Variants in POU6F1 observed in about 807,000 individuals in gnomAD.
The protein encoded by POU6F1 is POU domain, class 6, transcription factor 1.
A neutral mutation model predicts 28.9 loss-of-function variants in POU6F1; 9 were observed. The ratio of observed to expected loss-of-function variants is 0.31; its 90% CI spans 0.19 to 0.54. POU6F1 has a LOEUF of 0.54. Ranked by LOEUF, POU6F1 falls within the 20% of genes least tolerant of loss-of-function variation. The pLI is 0.94. For missense variants in POU6F1, 338 were observed against 426.1 expected (o/e 0.79, Z 1.82); for synonymous variants, 173 against 171.1 (o/e 1.01, Z -0.09).
In POU6F1 at chr12:51,199,168, AGGCT is replaced by A; in HGVS notation, c.367-397_367-394del. Among the ~76,000 whole-genome samples, 1 of 602 alleles carries A rather than the reference AGGCT, an allele frequency of 1.7e-3. No individual in the cohort carries two copies. Among genetic ancestry groups the A allele is most frequent in the South Asian group, 0.042 (1 of 24 alleles). The allele number at this position is 602 out of a possible 152,430, so 0.4% of individuals were successfully genotyped here. A position where few individuals can be genotyped will look rare whatever the true frequency, so the allele number is the denominator to read the frequency against. ...GAACCAAGTGGTCAAGGCCCCGCAGAGGCTAATGGAACCAAGTGGTCAAGGCCCC... is the reference window on the plus strand; with the variant it reads ...GAACCAAGTGGTCAAGGCCCCGCAGAAATGGAACCAAGTGGTCAAGGCCCC... On this transcript the variant is annotated intron_variant, in intron 4 of 10. Coordinates refer to ENST00000333640, the MANE Select transcript of POU6F1 (RefSeq NM_001330422.2). This position sits in a 1 kb window ranked among gnomAD's most constrained non-coding sequence, Gnocchi z 4.1.
At position 51,190,073 on chromosome 12, in the gene POU6F1, G is replaced by T; in HGVS notation, c.*174C>A. On this transcript the variant is annotated 3_prime_UTR_variant, in exon 11 of 11. Transcript: ENST00000333640. This position sits in a 1 kb window ranked among gnomAD's most constrained non-coding sequence, Gnocchi z 4.5. ...GCCCCCTCTGGCCTCCCCATGATGT[G>T]AGATGTGTGGGAGAAAAGAGGGACA... is the stretch of plus-strand genomic sequence containing the variant. 1 of 1,217,880 alleles carries T rather than the reference G, an allele frequency of 8.2e-7. No homozygotes were observed. The highest frequency in any genetic ancestry group is 1.6e-5 in the South Asian group (1 of 63,260). The allele number at this position is 1,217,880 out of a possible 1,614,324, so 75.4% of individuals were successfully genotyped here.
rs1430828734 is a variant in POU6F1, at chr12:51,196,851, A to G, written c.923T>C (p.Ile308Thr). 1 of 1,613,882 alleles carries G rather than the reference A, an allele frequency of 6.2e-7. No homozygotes were observed. Among genetic ancestry groups the G allele is most frequent in the Non-Finnish European group, 8.5e-7 (1 of 1,179,838 alleles). Residue 308 changes from isoleucine (I) to threonine (T), a missense_variant, in exon 7 of 11, where the codon ATT (isoleucine) becomes ACT (threonine). This residue lies in a region of POU6F1 where 206 missense variants were observed against 225.6 expected (regional missense o/e 0.91). Coordinates refer to ENST00000333640, the MANE Select transcript of POU6F1 (RefSeq NM_001330422.2). ...LTTAPVITSA[I>T]PSMPGISSQI... Reference sequence around the variant, plus strand: ...ACTGCTGATCCCTGGCATGCTGGGAATGGCGCTGGTAATGACTGGAGCTGT... The same window carrying G: ...ACTGCTGATCCCTGGCATGCTGGGAGTGGCGCTGGTAATGACTGGAGCTGT...
At position 51,198,015 on chromosome 12, in the gene POU6F1, C is replaced by T; in HGVS notation, c.601G>A (p.Val201Met). The T allele has an allele frequency of 2.5e-6, 1 of 399,490 alleles. No homozygotes were observed. Among genetic ancestry groups the T allele is most frequent in the East Asian group, 3.6e-5 (1 of 28,064 alleles). 24.7% of individuals were successfully genotyped at this position (399,490 alleles called of 1,614,324 possible). The change falls in exon 6 of 11, where the codon GTG (valine) becomes ATG (methionine). Residue 201 changes from valine to methionine, a missense_variant. Physicochemically the swap from Val to Met is conservative, Grantham distance 21 (BLOSUM62 1). Coordinates refer to ENST00000333640, the MANE Select transcript of POU6F1 (RefSeq NM_001330422.2). Reference protein sequence around the residue: ...PPLAGLQAAAVLNTALPAPVQ... With the variant: ...PPLAGLQAAAMLNTALPAPVQ... ...GGTGCCGGAAGAGCGGTGTTCAGCA[C>T]AGCAGCTGCTATGGAGCAAGGCAGA...
rs534527580 is a variant in POU6F1, at chr12:51,193,309, C to T, written c.1180-838G>A. ...CATAGCCCTAAGTGAAAAATGTGGT[C>T]GGGCGCGGTGGCTCACGCACTTTGG... On this transcript the variant is annotated intron_variant, in intron 8 of 10. Transcript: ENST00000333640. 1.3e-4 allele frequency among the ~76,000 whole-genome samples: 20 copies of T among 152,214 alleles called. 1 individual carries two copies. The highest frequency in any genetic ancestry group is 5.8e-4 in the East Asian group (3 of 5,174).
chr12:51,209,763 C>T (rs1335167669), intron 1 of POU6F1, among the ~76,000 whole-genome samples: 1 of 152,180 alleles, frequency 6.6e-6, no homozygotes, highest in Admixed American at 6.5e-5. Context: ...CCTTCCTTAA[C>T]CCCTCTAGAG....
At chr12:51,193,646 T>C (rs1345987739) in intron 8 of POU6F1, among the ~76,000 whole-genome samples, 1 of 152,096 alleles carries the variant, frequency 6.6e-6, no homozygotes, top group Non-Finnish European at 1.5e-5. Flanking sequence ...AAGAAATACA[T>C]ATGAATTTCC....
intron 6 of POU6F1, among the ~76,000 whole-genome samples, chr12:51,197,403 C>T (rs1251048982): frequency 6.6e-6 from 1 of 152,162 alleles, no homozygotes; most frequent in African/African-American, 2.4e-5. Flanking sequence ...TCTAACGCCT[C>T]CCACTGCCAA....
rs1018378496 is a variant in POU6F1 at position 51,189,360 on chromosome 12, C to T, written c.*887G>A. 5.9e-5 allele frequency: 9 copies of T among 151,970 alleles called. No individual in the cohort carries two copies. Among genetic ancestry groups the T allele is most frequent in the Non-Finnish European group, 1.2e-4 (8 of 68,004 alleles). 9.4% of individuals were successfully genotyped at this position (151,970 alleles called of 1,614,324 possible). ...TTCCTTATTTTTCTCCAGAGTTGCCCGTTTGCTTGCATATCCAGTCTGCAA... is the reference window on the plus strand; with the variant it reads ...TTCCTTATTTTTCTCCAGAGTTGCCTGTTTGCTTGCATATCCAGTCTGCAA... On this transcript the variant is annotated 3_prime_UTR_variant, in exon 11 of 11. Transcript: ENST00000333640.
chr12:51,192,888 G>T (rs577564924), intron 8 of POU6F1, among the ~76,000 whole-genome samples: 1 of 151,112 alleles, frequency 6.6e-6, no homozygotes, highest in South Asian at 2.1e-4. Context: ...CTGGGCGACA[G>T]AGTGAGACTC....
intron 8 of POU6F1, among the ~76,000 whole-genome samples, chr12:51,194,577 T>C (rs1592144806): frequency 6.6e-6 from 1 of 150,790 alleles, no homozygotes; most frequent in Admixed American, 6.6e-5. Flanking sequence ...GGAGCAGAGG[T>C]TGCAGTGAGC....
At chr12:51,210,521 C>A (rs1263567950) in intron 1 of POU6F1, among the ~76,000 whole-genome samples, 1 of 152,180 alleles carries the variant, frequency 6.6e-6, no homozygotes, top group African/African-American at 2.4e-5. Context: ...TGGCGTCTGG[C>A]TCCTTGCTGC....
Position 51,190,578 on chromosome 12 carries a change from T to C in POU6F1, c.1505A>G (p.Asp502Gly), listed in dbSNP as rs1172650607. The change falls in exon 11 of 11, where the codon GAC becomes GGC. Residue 502 changes from aspartate to glycine, a missense_variant. Transcript: ENST00000333640. The surrounding 1 kb of genome is among the most constrained non-coding windows in gnomAD (Gnocchi z 4.5). The part of the protein sequence containing the change: ...QSAICRFEKL[D>G]ITPKSAQKLK... ...CTTCTGGGCACTCTTGGGTGTGATG[T>C]CTAGCTTCTCGAACCTGTGGGCAAC... The C allele has an allele frequency of 6.2e-7, 1 of 1,612,786 alleles. No individual in the cohort carries two copies. The highest frequency in any genetic ancestry group is 1.3e-5 in the African/African-American group (1 of 74,826).
rs189905923 is a variant in POU6F1, at chr12:51,204,422, G to A, written c.49-54C>T. The A allele has an allele frequency of 1.6e-4, 63 of 398,942 alleles. 1 individual carries two copies. Among genetic ancestry groups the A allele is most frequent in the Admixed American group, 9.2e-4 (21 of 22,708 alleles). The allele number at this position is 398,942 out of a possible 1,614,324, so 24.7% of individuals were successfully genotyped here. A position where few individuals can be genotyped will look rare whatever the true frequency, so the allele number is the denominator to read the frequency against. The stretch of plus-strand genomic sequence containing the variant: ...GGATAGGGGCCAGTATAGCCGCAGG[G>A]TCCAAAGCTCTGGGTATGGTTTGGG... On this transcript the variant is annotated intron_variant, in intron 2 of 10. Transcript: ENST00000333640.
rs1565590161 is a variant in POU6F1 at position 51,187,306 on chromosome 12, C to T, written c.*2941G>A. On this transcript the variant is annotated 3_prime_UTR_variant, in exon 11 of 11. Coordinates refer to ENST00000333640, the MANE Select transcript of POU6F1 (RefSeq NM_001330422.2). ...TCCATTTAAAACAAAACAAACAAAA[C>T]TCCACACAGTTAAACCATTTCTGTC... The T allele has an allele frequency of 6.6e-6, 1 of 152,200 alleles. No individual in the cohort carries two copies. The highest frequency in any genetic ancestry group is 1.5e-5 in the Non-Finnish European group (1 of 68,040). The allele number at this position is 152,200 out of a possible 1,614,324, so 9.4% of individuals were successfully genotyped here. A position where few individuals can be genotyped will look rare whatever the true frequency, so the allele number is the denominator to read the frequency against.
intron 7 of POU6F1, 78 bp downstream of exon 7, chr12:51,196,721 C>CA: frequency 6.5e-7 from 1 of 1,538,276 alleles, no homozygotes; most frequent in Non-Finnish European, 8.9e-7. Flanking sequence ...CTATGACCCA[C>CA]AGCCCAAGAC....
chr12:51,210,840 C>T (rs1211039313), intron 1 of POU6F1, among the ~76,000 whole-genome samples: 1 of 152,202 alleles, frequency 6.6e-6, no homozygotes, highest in Non-Finnish European at 1.5e-5. Flanking sequence ...AGATCTCAGA[C>T]TCCCTTGTCT....
In POU6F1 at chr12:51,218,029, T is replaced by A. The variant is rs1944379148; in HGVS notation, c.-435A>T. Among the ~76,000 whole-genome samples the A allele has an allele frequency of 6.6e-6, 1 of 151,518 alleles. No individual in the cohort carries two copies. The highest frequency in any genetic ancestry group is 1.5e-5 in the Non-Finnish European group (1 of 67,722). On this transcript the variant is annotated 5_prime_UTR_variant, in exon 1 of 11. It introduces an in-frame stop codon into an upstream open reading frame of the 5' UTR. Transcript: ENST00000333640. The stretch of plus-strand genomic sequence containing the variant: ...TTTCCCTCCTTCTGCTACTTGGATT[T>A]TTTTAGCTGCTGCGTCATGAGCATA...
chr12:51,204,044 T>A (rs1453377340), intron 3 of POU6F1, 129 bp downstream of exon 3: 2 of 397,682 alleles, frequency 5.0e-6, no homozygotes, highest in African/African-American at 4.1e-5. Context: ...GCACAGGCTG[T>A]CCAGTGGGCA....
At chr12:51,205,520 G>C (rs1004101295) in intron 2 of POU6F1, among the ~76,000 whole-genome samples, 1 of 152,168 alleles carries the variant, frequency 6.6e-6, no homozygotes, top group Non-Finnish European at 1.5e-5. Flanking sequence ...TCACCAGCAC[G>C]GAAACCCTGC....
Sources: allele counts gnomAD v4.1 joint callset (sites outside exome capture counted in the v4.1 genomes callset), GRCh38; gene constraint gnomAD v4.1.1; regional missense constraint gnomAD v4.1.1; non-coding constraint Gnocchi (gnomAD v3.1); transcripts MANE v1.5; gene names NCBI Gene and HGNC (gene_info 2026-07-23, HGNC 2026-07-21).